Variants in DNAI3 observed in about 807,000 individuals in gnomAD.
DNAI3 encodes the protein dynein axonemal intermediate chain 3, also known as WD repeat domain 63.
Under a neutral mutation model 115.5 loss-of-function variants are expected in DNAI3, and 83 were observed. The observed-to-expected ratio is 0.72, with a 90% CI of 0.60 to 0.86. The LOEUF is 0.86. Among genes scored for constraint, DNAI3 ranks in the 40% least tolerant of loss-of-function variants. The pLI, the probability that DNAI3 is intolerant of heterozygous loss-of-function variation, is 0.00. For missense variants in DNAI3, 1,004 were observed against 1,075.8 expected, an observed-to-expected ratio of 0.93 and a Z score of 0.93; for synonymous variants, 320 against 347.0, an observed-to-expected ratio of 0.92 and a Z score of 0.86.
intron 8 of DNAI3, 121 bp downstream of exon 8, chr1:85,090,353 G>T (rs2100576888): frequency 4.0e-6 from 2 of 495,560 alleles, no homozygotes; most frequent in East Asian, 6.9e-5. Context: ...GAAGACAGTT[G>T]TCAGTGTGAC....
chr1:85,084,796 A>G, intron 6 of DNAI3, 101 bp downstream of exon 6: 4 of 1,190,294 alleles, frequency 3.4e-6, no homozygotes, highest in Non-Finnish European at 4.3e-6. Flanking sequence ...CTATGGAGGC[A>G]TAGTTTTTGG....
At chr1:85,091,302 AAT>A (rs1255226317) in intron 8 of DNAI3, among the ~76,000 whole-genome samples, 1 of 152,220 alleles carries the variant, frequency 6.6e-6, no homozygotes, top group East Asian at 1.9e-4. Flanking sequence ...AAATGTTCAA[AAT>A]AAATCCACAT....
chr1:85,080,783 G>A (rs576326561), intron 3 of DNAI3, among the ~76,000 whole-genome samples: 93 of 152,222 alleles, frequency 6.1e-4, no homozygotes, highest in African/African-American at 2.2e-3. Context: ...ACAATAATTG[G>A]AAACAAGCAA....
chr1:85,081,199 T>C (rs754933824), intron 3 of DNAI3, 35 bp from the exon 4 acceptor site: 4 of 1,515,832 alleles, frequency 2.6e-6, no homozygotes, highest in Non-Finnish European at 3.5e-6. Context: ...TAAGTGGTCA[T>C]ATTTAATGTC....
chr1:85,080,469 G>C (rs997977467), intron 3 of DNAI3, among the ~76,000 whole-genome samples: 1 of 152,218 alleles, frequency 6.6e-6, no homozygotes, highest in Non-Finnish European at 1.5e-5. Flanking sequence ...GGTCCTCTGA[G>C]TGCATAAGGG....
At chr1:85,066,145 T>A (rs1654088536) in intron 1 of DNAI3, among the ~76,000 whole-genome samples, 1 of 152,108 alleles carries the variant, frequency 6.6e-6, no homozygotes, top group African/African-American at 2.4e-5. Flanking sequence ...AGTTTAAATA[T>A]CAAGAATATT....
At chr1:85,114,674 C>T (rs957038717) in intron 16 of DNAI3, among the ~76,000 whole-genome samples, 3 of 152,200 alleles carry the variant, frequency 2.0e-5, no homozygotes, top group African/African-American at 4.8e-5. Context: ...GCCGACTATC[C>T]GCCCATTCTG....
At chr1:85,091,827 A>G (rs1654984818) in intron 8 of DNAI3, among the ~76,000 whole-genome samples, 1 of 152,212 alleles carries the variant, frequency 6.6e-6, no homozygotes, top group Non-Finnish European at 1.5e-5. Context: ...GTTCCAGGAA[A>G]GCAAGAAACC....
intron 14 of DNAI3, among the ~76,000 whole-genome samples, chr1:85,105,522 C>CT (rs1448138467): frequency 9.3e-6 from 1 of 107,372 alleles, no homozygotes; most frequent in Non-Finnish European, 1.8e-5. Context: ...GAGTGAAACT[C>CT]TGTCTCAAAA....
chr1:85,093,704 C>T (rs1163425863), intron 9 of DNAI3, 56 bp downstream of exon 9: 4 of 1,604,796 alleles, frequency 2.5e-6, no homozygotes, highest in Middle Eastern at 1.6e-4. Flanking sequence ...TTGTCTGTTG[C>T]TTTCATATGT....
At chr1:85,081,512 C>A (rs1023058101) in intron 4 of DNAI3, 97 bp downstream of exon 4, 19 of 1,234,658 alleles carry the variant, frequency 1.5e-5, no homozygotes, top group Non-Finnish European at 2.0e-5. Context: ...AAATCTGGCC[C>A]CATTGCTTTG....
intron 16 of DNAI3, among the ~76,000 whole-genome samples, chr1:85,110,498 A>T (rs960049056): frequency 1.3e-5 from 1 of 75,024 alleles, no homozygotes. Flanking sequence ...TACTAATTTG[A>T]GTGTTAGTAG....
chr1:85,076,299 C>T (rs1654453130), intron 3 of DNAI3, among the ~76,000 whole-genome samples: 1 of 151,884 alleles, frequency 6.6e-6, no homozygotes, highest in African/African-American at 2.4e-5. Context: ...AAATCCTTAA[C>T]CTTCAGTATC....
intron 6 of DNAI3, among the ~76,000 whole-genome samples, chr1:85,084,955 G>T (rs1342562440): frequency 6.6e-6 from 1 of 152,194 alleles, no homozygotes; most frequent in Non-Finnish European, 1.5e-5. Context: ...GGTCATTGCA[G>T]GTATAGCTAT....
At chr1:85,120,408 G>C (rs1462297609) in intron 17 of DNAI3, among the ~76,000 whole-genome samples, 1 of 152,238 alleles carries the variant, frequency 6.6e-6, no homozygotes, top group Non-Finnish European at 1.5e-5. Context: ...ACAGGGGTCA[G>C]AGAAGTGGAG....
intron 1 of DNAI3, among the ~76,000 whole-genome samples, chr1:85,064,958 G>A (rs111274892): frequency 0.047 from 7,123 of 152,170 alleles, 239 homozygotes; most frequent in Non-Finnish European, 0.07. Context: ...GCTTGAACCC[G>A]GGAGGCGGAG....
intron 22 of DNAI3, 29 bp from the exon 23 acceptor site, chr1:85,132,826 G>A (rs769383678): frequency 1.3e-6 from 2 of 1,527,756 alleles, no homozygotes; most frequent in African/African-American, 1.9e-5. Context: ...GTGTTTTATA[G>A]GGATGTCTTG....
intron 18 of DNAI3, among the ~76,000 whole-genome samples, 179 bp from the exon 19 acceptor site, chr1:85,123,942 C>G (rs1332262259): frequency 6.6e-6 from 1 of 152,188 alleles, no homozygotes; most frequent in Non-Finnish European, 1.5e-5. Context: ...CCTGGACATT[C>G]CATAATAACA....
chr1:85,071,360 A>T (rs556981130), intron 1 of DNAI3, among the ~76,000 whole-genome samples: 1 of 152,360 alleles, frequency 6.6e-6, no homozygotes, highest in Admixed American at 6.5e-5. Context: ...TCCTGTCAAA[A>T]TTGATAAGCA....
Sources: gnomAD v4.1 joint callset for allele counts (sites outside exome capture counted in the v4.1 genomes callset) on GRCh38, gnomAD v4.1.1 for gene constraint, MANE v1.5 for transcripts, NCBI Gene and HGNC (gene_info 2026-07-23, HGNC 2026-07-21) for gene names.